The following SESTD1 variants were observed in gnomAD, a reference collection of about 807,000 sequenced individuals.
SESTD1 encodes the protein SEC14 domain and spectrin repeat-containing protein 1.
In SESTD1, 43 loss-of-function variants were observed where a neutral mutation model predicts 101.7. The ratio of observed to expected loss-of-function variants is 0.42; its 90% confidence interval spans 0.33 to 0.55. The LOEUF is 0.55. SESTD1 is among the 20% of genes least tolerant of loss of function. The probability of loss-of-function intolerance (pLI) is 0.07; values close to 1 mark genes in which losing one functional copy is unlikely to be tolerated. For synonymous variants in SESTD1, 283 were observed against 286.8 expected, an observed-to-expected ratio of 0.99 and a Z score of 0.13; for missense variants, 647 against 815.1, an observed-to-expected ratio of 0.79 and a Z score of 2.51.
rs899744422 is a variant in SESTD1 at position 179,201,312 on chromosome 2, T to C, written c.-25-9446A>G. Among the ~76,000 whole-genome samples the C allele has an allele frequency of 6.1e-4, 78 of 128,046 alleles. 12 individuals are homozygous for C. The highest frequency in any genetic ancestry group is 1.3e-3 in the Admixed American group (17 of 13,486). 84.0% of individuals were successfully genotyped at this position (128,046 alleles called of 152,430 possible). A position where few individuals can be genotyped will look rare whatever the true frequency, so the allele number is the denominator to read the frequency against. On this transcript the variant is annotated intron_variant, in intron 1 of 17. Coordinates refer to ENST00000428443, the MANE Select transcript of SESTD1 (RefSeq NM_178123.5). ...GGATGTGGAGAAATAGGAACACTTT[T>C]ACACTGTTGGTGGGACTGTGAACTA... is the stretch of plus-strand genomic sequence containing the variant.
intron 5 of SESTD1, among the ~76,000 whole-genome samples, chr2:179,161,700 C>A (rs1002373532): frequency 3.3e-5 from 5 of 151,664 alleles, no homozygotes; most frequent in Admixed American, 3.3e-4. Flanking sequence ...AAAAATACAG[C>A]GGAAAAGCTA....
intron 5 of SESTD1, among the ~76,000 whole-genome samples, chr2:179,157,805 G>C (rs1194759386): frequency 6.6e-6 from 1 of 152,146 alleles, no homozygotes; most frequent in African/African-American, 2.4e-5. Context: ...GGATGAATAA[G>C]ATATGCTTCT....
intron 1 of SESTD1, among the ~76,000 whole-genome samples, chr2:179,238,618 T>C (rs1171862934): frequency 2.6e-5 from 4 of 152,118 alleles, no homozygotes; most frequent in African/African-American, 9.7e-5. Flanking sequence ...AGAAACTTAT[T>C]GCTCAATAAA....
intron 9 of SESTD1, among the ~76,000 whole-genome samples, chr2:179,134,329 C>T (rs975837832): frequency 6.6e-6 from 1 of 152,160 alleles, no homozygotes; most frequent in Non-Finnish European, 1.5e-5. Flanking sequence ...TTCCACTTGG[C>T]TATTGTTATT....
intron 16 of SESTD1, among the ~76,000 whole-genome samples, chr2:179,114,791 C>G (rs2044591590): frequency 6.6e-6 from 1 of 152,246 alleles, no homozygotes; most frequent in South Asian, 2.1e-4. Flanking sequence ...ATATTCTGGA[C>G]ACCAGGCTTG....
chr2:179,157,055 C>CCA (rs1430091319), intron 5 of SESTD1, among the ~76,000 whole-genome samples: 3 of 152,024 alleles, frequency 2.0e-5, no homozygotes, highest in African/African-American at 7.2e-5. Context: ...GCCAATTATC[C>CCA]CAGCACCATT....
intron 5 of SESTD1, among the ~76,000 whole-genome samples, chr2:179,159,937 C>G (rs2045703892): frequency 6.6e-6 from 1 of 152,224 alleles, no homozygotes; most frequent in African/African-American, 2.4e-5. Flanking sequence ...TCACTGCAAC[C>G]TCCAACTCCC....
intron 1 of SESTD1, among the ~76,000 whole-genome samples, chr2:179,248,163 A>C (rs1190711742): frequency 6.6e-6 from 1 of 151,994 alleles, no homozygotes; most frequent in Non-Finnish European, 1.5e-5. Flanking sequence ...TACTATGAAC[A>C]CCTCTACACA....
Position 179,150,710 on chromosome 2 carries a change from C to T in SESTD1, c.483+568G>A, listed in dbSNP as rs190388676. Among the ~76,000 whole-genome samples the T allele has an allele frequency of 5.5e-3, 833 of 152,230 alleles. 1 individual carries two copies. Among genetic ancestry groups the T allele is most frequent in the Non-Finnish European group, 8.3e-3 (562 of 68,014 alleles). ...TGGCGCGTGCCTGTAATCCCAGCTACTCACGAGGCTGAGGCAGGAGAATTA... is the reference window on the plus strand; with the variant it reads ...TGGCGCGTGCCTGTAATCCCAGCTATTCACGAGGCTGAGGCAGGAGAATTA... On this transcript the variant is annotated intron_variant, in intron 6 of 17. Transcript: ENST00000428443.
Position 179,207,909 on chromosome 2 carries a change from G to C in SESTD1, c.-25-16043C>G, listed in dbSNP as rs990667940. ...TGAATTGCCAGATAAAGAATCAGAA[G>C]GTTGATTATTAAGCTATTCAAGGAG... On this transcript the variant is annotated intron_variant, in intron 1 of 17. Transcript: ENST00000428443. 3.7e-5 allele frequency among the ~76,000 whole-genome samples: 5 copies of C among 134,704 alleles called. 2 individuals carry two copies. The highest frequency in any genetic ancestry group is 1.2e-4 in the African/African-American group (4 of 33,974). 88.4% of individuals were successfully genotyped at this position (134,704 alleles called of 152,430 possible).
chr2:179,174,402 C>T (rs187707107), intron 4 of SESTD1: 20 of 463,428 alleles, frequency 4.3e-5, no homozygotes, highest in Admixed American at 1.5e-4. Context: ...ATTGATTGTT[C>T]TTCAAAACTG....
intron 1 of SESTD1, among the ~76,000 whole-genome samples, chr2:179,217,487 G>A (rs1461959634): frequency 2.6e-5 from 4 of 152,156 alleles, no homozygotes; most frequent in Admixed American, 2.0e-4. Flanking sequence ...AAACATGCTG[G>A]AGAGGATGTG....
chr2:179,234,560 T>G (rs2047037842), intron 1 of SESTD1, among the ~76,000 whole-genome samples: 1 of 152,030 alleles, frequency 6.6e-6, no homozygotes, highest in African/African-American at 2.4e-5. Context: ...GGTAGATCAC[T>G]TGGGGTCAGG....
chr2:179,149,433 T>A (rs2105448435), intron 6 of SESTD1, 39 bp from the exon 7 acceptor site: 1 of 1,308,644 alleles, frequency 7.6e-7, no homozygotes, highest in Non-Finnish European at 1.1e-6. Flanking sequence ...AGAACAGTCT[T>A]AAAAATTAAT....
chr2:179,136,961 T>C (rs879726505), intron 9 of SESTD1, among the ~76,000 whole-genome samples: 4 of 152,170 alleles, frequency 2.6e-5, no homozygotes, highest in Admixed American at 2.6e-4. Context: ...ATCAGTAATG[T>C]AGACACAGTA....
intron 9 of SESTD1, among the ~76,000 whole-genome samples, chr2:179,135,671 T>A (rs1325256152): frequency 6.6e-6 from 1 of 152,160 alleles, no homozygotes; most frequent in Non-Finnish European, 1.5e-5. Context: ...GAGAATCGTT[T>A]GAGCCTGGGA....
chr2:179,257,095 C>T (rs1433376530), intron 1 of SESTD1, among the ~76,000 whole-genome samples: 3 of 152,038 alleles, frequency 2.0e-5, no homozygotes, highest in South Asian at 2.1e-4. Flanking sequence ...ATCAATGTGG[C>T]ATACTTCACT....
At chr2:179,115,015 C>A (rs2044596645) in intron 16 of SESTD1, 50 bp downstream of exon 16, 10 of 1,456,162 alleles carry the variant, frequency 6.9e-6, no homozygotes, top group Non-Finnish European at 9.4e-6. Flanking sequence ...ATATTTTAAA[C>A]ACATATAATC....
chr2:179,190,540 A>G (rs186178969), intron 2 of SESTD1, among the ~76,000 whole-genome samples: 1 of 152,194 alleles, frequency 6.6e-6, no homozygotes, highest in Non-Finnish European at 1.5e-5. Flanking sequence ...ATTGAAAAGT[A>G]GGACGTAATT....
Sources: gnomAD v4.1 joint callset for allele counts (sites outside exome capture counted in the v4.1 genomes callset) on GRCh38, gnomAD v4.1.1 for gene constraint, MANE v1.5 for transcripts, NCBI Gene and HGNC (gene_info 2026-07-23, HGNC 2026-07-21) for gene names.